The following MAST1 variants were observed in gnomAD, a reference collection of about 807,000 sequenced individuals.
The protein encoded by MAST1 is microtubule-associated serine/threonine-protein kinase 1.
MAST1 carries 40 observed loss-of-function variants against 124.6 expected under a neutral mutation model. That is an observed-to-expected ratio of 0.32 (90% CI 0.25 to 0.42). MAST1 has a LOEUF of 0.42. MAST1 is among the 10% of genes least tolerant of loss of function. MAST1 has a pLI of 1.00. For missense variants in MAST1, 1,558 were observed against 2,181.9 expected (o/e 0.71, Z 5.70); for synonymous variants, 938 against 939.4 (o/e 1.00, Z 0.03).
Position 12,865,829 on chromosome 19 carries a change from C to T in MAST1, c.1906+11C>T, listed in dbSNP as rs1268375199. ...TCAGGCTTGGGGCAGGTAAGTCCGC[C>T]ATGCAGAGGAGCTGAGGGCCCACTG... On this transcript the variant is annotated intron_variant, in intron 16 of 25. Transcript: ENST00000251472. The surrounding 1 kb of genome is among the most constrained non-coding windows in gnomAD (Gnocchi z 7.1). 2 of 1,610,560 alleles carry T rather than the reference C, an allele frequency of 1.2e-6. No individual in the cohort carries two copies. Among genetic ancestry groups the T allele is most frequent in the African/African-American group, 2.7e-5 (2 of 74,852 alleles).
chr19:12,873,170 C>A, intron 24 of MAST1, 154 bp from the exon 25 acceptor site: 5 of 700,256 alleles, frequency 7.1e-6, no homozygotes, highest in Non-Finnish European at 1.2e-5. Flanking sequence ...CAGCACTGAG[C>A]TAAAGGAAGT....
Position 12,873,934 on chromosome 19 carries a change from G to T in MAST1, c.3777G>T (p.Pro1259=). 1 of 1,591,220 alleles carries T rather than the reference G, an allele frequency of 6.3e-7. No individual in the cohort carries two copies. Among genetic ancestry groups the T allele is most frequent in the Non-Finnish European group, 8.5e-7 (1 of 1,176,168 alleles). Residue 1259 remains proline, a synonymous_variant, in exon 26 of 26, where the codon CCG becomes CCT. Transcript: ENST00000251472. ...RPKSAEPPRS[P]LLKRVQSAEK... is the part of the protein sequence containing the mutation. ...AGAGTGCCGAGCCCCCTCGCTCGCC[G>T]CTCCTCAAGCGCGTGCAGTCGGCCG...
At position 12,840,989 on chromosome 19, in the gene MAST1, A is replaced by T; in HGVS notation, c.173-2A>T. On this transcript the variant is annotated splice_acceptor_variant, in intron 2 of 25. Transcript: ENST00000251472. LOFTEE classifies it high-confidence loss of function. ...AGGATTTGCCCCCTCTTTCTCTCAT[A>T]GGCAGCAGTCCCCTGGACAGCCCCC... 1 of 1,210,856 alleles carries T rather than the reference A, an allele frequency of 8.3e-7. No individual in the cohort carries two copies. The highest frequency in any genetic ancestry group is 1.2e-6 in the Non-Finnish European group (1 of 810,926). 75.0% of individuals were successfully genotyped at this position (1,210,856 alleles called of 1,614,324 possible).
intron 3 of MAST1, among the ~76,000 whole-genome samples, chr19:12,842,018 G>C (rs1969835476): frequency 6.6e-6 from 1 of 152,188 alleles, no homozygotes. Context: ...GGGTGTGTGT[G>C]TGTCCTTGTA....
chr19:12,838,690 C>G lies in MAST1; in HGVS notation c.83+35C>G, dbSNP rs758130972. On this transcript the variant is annotated intron_variant, in intron 1 of 25. Transcript: ENST00000251472. The surrounding 1 kb of genome is among the most constrained non-coding windows in gnomAD (Gnocchi z 4.3). Reference sequence around the variant, plus strand: ...CGATCCCCTAGACATTGTCCCGGCCCTCCCCGCAAAAGCCGCCGCTCCGGG... The same window carrying G: ...CGATCCCCTAGACATTGTCCCGGCCGTCCCCGCAAAAGCCGCCGCTCCGGG... 4 of 1,594,058 alleles carry G rather than the reference C, an allele frequency of 2.5e-6. No homozygotes were observed. The African/African-American group carries it at 4.1e-5, about 16-fold the overall frequency.
At chr19:12,868,008 T>G (rs760926867) in intron 20 of MAST1, 31 bp downstream of exon 20, 6 of 1,510,814 alleles carry the variant, frequency 4.0e-6, no homozygotes, top group Non-Finnish European at 5.3e-6. Context: ...CCTTCCCCAA[T>G]CTTCCCCAAT....
chr19:12,858,450 C>T lies in MAST1; in HGVS notation c.1157+9C>T. The T allele has an allele frequency of 1.2e-6, 2 of 1,613,390 alleles. No individual in the cohort carries two copies. Among genetic ancestry groups the T allele is most frequent in the Non-Finnish European group, 1.7e-6 (2 of 1,179,480 alleles). On this transcript the variant is annotated intron_variant, in intron 11 of 25. Coordinates refer to ENST00000251472, the MANE Select transcript of MAST1 (RefSeq NM_014975.3). ...AGCAACGGTGCCTACGGGTGAGCCA[C>T]CCGGGGCTCTGGCGGGGGGAGGGTG... is the stretch of plus-strand genomic sequence containing the variant.
intron 9 of MAST1, 24 bp downstream of exon 9, chr19:12,852,271 G>A (rs375129841): frequency 8.1e-6 from 13 of 1,613,928 alleles, no homozygotes; most frequent in African/African-American, 4.0e-5. Context: ...GGCGCAGGGG[G>A]ACTGGGGGTG....
chr19:12,840,796 A>G (rs1969816860), intron 2 of MAST1, among the ~76,000 whole-genome samples, 195 bp from the exon 3 acceptor site: 1 of 151,584 alleles, frequency 6.6e-6, no homozygotes, highest in African/African-American at 2.4e-5. Context: ...GCCATCCCAG[A>G]TGAAGCCAGA....
At chr19:12,873,293 A>C (rs535782914) in intron 24 of MAST1, 31 bp from the exon 25 acceptor site, 12 of 1,598,846 alleles carry the variant, frequency 7.5e-6, no homozygotes, top group Admixed American at 1.7e-5. Flanking sequence ...CGTCCAGGTC[A>C]AGGACGCTTG....
Position 12,857,513 on chromosome 19 carries a change from G to A in MAST1, c.1078-849G>A, listed in dbSNP as rs1276923746. Among the ~76,000 whole-genome samples the A allele has an allele frequency of 2.6e-5, 4 of 151,748 alleles. 1 individual carries two copies. The South Asian group carries it at 6.3e-4, about 24-fold the overall frequency. ...TGCAAGCTCTGCCTCCCGGGTTCACGCCATTCTCCTGCCTCAGCCTCCCAA... is the reference window on the plus strand; with the variant it reads ...TGCAAGCTCTGCCTCCCGGGTTCACACCATTCTCCTGCCTCAGCCTCCCAA... On this transcript the variant is annotated intron_variant, in intron 10 of 25. Transcript: ENST00000251472.
chr19:12,840,836 G>C (rs1969817413), intron 2 of MAST1, among the ~76,000 whole-genome samples, 155 bp from the exon 3 acceptor site: 1 of 151,748 alleles, frequency 6.6e-6, no homozygotes, highest in South Asian at 2.1e-4. Context: ...GGCTGACTCG[G>C]CAACGAAAAA....
At chr19:12,868,112 T>TTTTTTTTTTTTTTTC in intron 20 of MAST1, 135 bp downstream of exon 20, 1 of 888,958 alleles carries the variant, frequency 1.1e-6, no homozygotes, top group East Asian at 3.7e-5. Context: ...GATTTTTTTT[T>TTTTTTTTTTTTTTTC]TTTTTTTTTT....
chr19:12,838,596 GCTTT>G lies in MAST1; in HGVS notation c.27_30del (p.Ser10IlefsTer29). On this transcript the variant is annotated frameshift_variant, in exon 1 of 26. Coordinates refer to ENST00000251472, the MANE Select transcript of MAST1 (RefSeq NM_014975.3). LOFTEE classifies it high-confidence loss of function. The surrounding 1 kb of genome is among the most constrained non-coding windows in gnomAD (Gnocchi z 4.3). ...TCATGTCTGACTCTCTCTGGACCGC[GCTTT>G]CTAATTTCTCGATGCCCTCCTTCCC... The G allele has an allele frequency of 1.9e-6, 3 of 1,609,576 alleles. No homozygotes were observed. The highest frequency in any genetic ancestry group is 2.5e-6 in the Non-Finnish European group (3 of 1,178,472).
Position 12,865,798 on chromosome 19 carries a change from C to T in MAST1, c.1886C>T (p.Pro629Leu), listed in dbSNP as rs1211434115. The T allele has an allele frequency of 6.2e-7, 1 of 1,613,860 alleles. No homozygotes were observed. Among genetic ancestry groups the T allele is most frequent in the East Asian group, 2.2e-5 (1 of 44,888 alleles). Residue 629 changes from proline (P) to leucine (L), a missense_variant, in exon 16 of 26, where the codon CCT becomes CTT. By Grantham distance (98) the Pro-to-Leu change is moderately conservative. This residue lies in a region of MAST1 where 145 missense variants were observed against 350.0 expected (regional missense o/e 0.41). Transcript: ENST00000251472. This position sits in a 1 kb window ranked among gnomAD's most constrained non-coding sequence, Gnocchi z 7.1. ...ATATCCAGCCTCCTGCAGACCAACC[C>T]TCTGGTCAGGCTTGGGGCAGGTAAG... ...LLISSLLQTN[P>L]LVRLGAGGAF... is the part of the protein sequence containing the mutation.
intron 12 of MAST1, among the ~76,000 whole-genome samples, chr19:12,861,708 T>G (rs1036899834): frequency 2.0e-5 from 3 of 151,134 alleles, no homozygotes; most frequent in African/African-American, 7.3e-5. Context: ...CTTTCTTTCT[T>G]TCTTTCTTTT....
At chr19:12,869,023 A>G (rs770906125) in intron 21 of MAST1, 43 bp from the exon 22 acceptor site, 5 of 1,594,932 alleles carry the variant, frequency 3.1e-6, no homozygotes, top group Non-Finnish European at 4.3e-6. Flanking sequence ...GGAGATGTCT[A>G]TCTTCTTGGT....
At position 12,874,945 on chromosome 19, in the gene MAST1, C is replaced by A; in HGVS notation, c.*75C>A. The A allele has an allele frequency of 6.6e-7, 1 of 1,507,964 alleles. No individual in the cohort carries two copies. The highest frequency in any genetic ancestry group is 8.9e-7 in the Non-Finnish European group (1 of 1,121,482). 93.4% of individuals were successfully genotyped at this position (1,507,964 alleles called of 1,614,324 possible). A position where few individuals can be genotyped will look rare whatever the true frequency, so the allele number is the denominator to read the frequency against. On this transcript the variant is annotated 3_prime_UTR_variant, in exon 26 of 26. Transcript: ENST00000251472. The surrounding 1 kb of genome is among the most constrained non-coding windows in gnomAD (Gnocchi z 6.6). ...CACATATAAATAAAGTGCGTCCGTG[C>A]TGCGTGAGTTTTCTGGGGCTCACTC... is the stretch of plus-strand genomic sequence containing the variant.
At position 12,873,332 on chromosome 19, in the gene MAST1, G is replaced by A. The variant is rs762606218; in HGVS notation, c.3272G>A (p.Arg1091His). 2 of 1,612,710 alleles carry A rather than the reference G, an allele frequency of 1.2e-6. No homozygotes were observed. The highest frequency in any genetic ancestry group is 3.3e-5 in the Admixed American group (2 of 59,988). Reference sequence around the variant, plus strand: ...CCCTCCCTGTCCCGCAGCAAGAAGCGCAGCTCCCTCTTCCGGAAGATCACG... The same window carrying A: ...CCCTCCCTGTCCCGCAGCAAGAAGCACAGCTCCCTCTTCCGGAAGATCACG... ...SAKEGQESKK[R>H]SSLFRKITKQ... is the part of the protein sequence containing the mutation. Residue 1091 changes from arginine (R) to histidine (H), a missense_variant, in exon 25 of 26, where the codon CGC becomes CAC. Physicochemically the swap from Arg to His is conservative, Grantham distance 29. Coordinates refer to ENST00000251472, the MANE Select transcript of MAST1 (RefSeq NM_014975.3).
Sources: allele counts gnomAD v4.1 joint callset (sites outside exome capture counted in the v4.1 genomes callset), GRCh38; gene constraint gnomAD v4.1.1; regional missense constraint gnomAD v4.1.1; non-coding constraint Gnocchi (gnomAD v3.1); transcripts MANE v1.5; gene names NCBI Gene and HGNC (gene_info 2026-07-23, HGNC 2026-07-21).